Variants in SYTL5 observed in about 807,000 individuals in gnomAD.
The protein encoded by SYTL5 is synaptotagmin like 5.
Under a neutral mutation model 55.9 loss-of-function variants are expected in SYTL5, and 34 were observed. The observed-to-expected ratio is 0.61, with a 90% confidence interval of 0.46 to 0.81. SYTL5 has a LOEUF of 0.81. SYTL5 is among the 30% of genes least tolerant of loss of function. SYTL5 has a pLI of 0.00. For missense variants in SYTL5, 637 were observed against 546.7 expected, an observed-to-expected ratio of 1.17 and a Z score of -1.65; for synonymous variants, 221 against 188.7, an observed-to-expected ratio of 1.17 and a Z score of -1.40.
chrX:38,092,508 A>G (rs1425930694), intron 7 of SYTL5, among the ~76,000 whole-genome samples: 1 of 111,527 alleles, frequency 9.0e-6, no homozygotes, highest in East Asian at 2.8e-4. Flanking sequence ...AGGCAGGAGG[A>G]GGGGAAGCCA....
chrX:37,985,682 C>T, the SYTL5 span, among the ~76,000 whole-genome samples: 4 of 109,663 alleles, frequency 3.6e-5, no homozygotes, highest in Admixed American at 9.8e-5. Flanking sequence ...ACAAGTGGAA[C>T]GTAAAATTCA....
chrX:38,021,713 T>C (rs931659003), intron 1 of SYTL5, among the ~76,000 whole-genome samples: 1 of 112,289 alleles, frequency 8.9e-6, no homozygotes, highest in African/African-American at 3.2e-5. Context: ...GTAGAAATAA[T>C]GTTTTTCACT....
At chrX:37,941,796 A>T in the SYTL5 span, among the ~76,000 whole-genome samples, 1 of 112,455 alleles carries the variant, frequency 8.9e-6, no homozygotes, top group Non-Finnish European at 1.9e-5. Flanking sequence ...CAAGGACTGA[A>T]GCATTTTAGG....
At chrX:38,027,824 C>CTTT (rs111523397) in intron 1 of SYTL5, among the ~76,000 whole-genome samples, 3 of 90,802 alleles carry the variant, frequency 3.3e-5, no homozygotes, top group Non-Finnish European at 4.3e-5. Context: ...AATTCTTCTT[C>CTTT]TTTTTTTTTT....
chrX:37,946,317 A>G, the SYTL5 span: 2 of 133,085 alleles, frequency 1.5e-5, no homozygotes, highest in Non-Finnish European at 3.0e-5. Context: ...CTTTGGCTAT[A>G]CTACAGTCTT....
chrX:38,001,239 A>G, the SYTL5 span, among the ~76,000 whole-genome samples: 1 of 111,475 alleles, frequency 9.0e-6, no homozygotes, highest in Admixed American at 9.5e-5. Context: ...TAAATGGGGT[A>G]TCCATGACCT....
At position 38,043,690 on chromosome X, in the gene SYTL5, T is replaced by C. The variant is rs7886426; in HGVS notation, c.119+9682T>C. On this transcript the variant is annotated intron_variant, in intron 2 of 16. Transcript: ENST00000297875. ...ATATATATATATATATATATATATA[T>C]ACATATATATATACATATTTTCATA... 2.3e-3 allele frequency among the ~76,000 whole-genome samples: 162 copies of C among 69,525 alleles called. 5 individuals carry two copies. Among genetic ancestry groups the C allele is most frequent in the African/African-American group, 8.8e-3 (106 of 12,055 alleles). 60.4% of individuals were successfully genotyped at this position (69,525 alleles called of 115,157 possible).
chrX:37,926,958 G>C, the SYTL5 span, among the ~76,000 whole-genome samples: 1,522 of 111,885 alleles, frequency 0.014, 16 homozygotes, highest in Non-Finnish European at 0.023. Flanking sequence ...GCCTTTCCAG[G>C]AAATGTTCTC....
the SYTL5 span, among the ~76,000 whole-genome samples, chrX:37,983,919 T>C: frequency 9.0e-6 from 1 of 110,775 alleles, no homozygotes; most frequent in Non-Finnish European, 1.9e-5. Flanking sequence ...AAAATGAAAA[T>C]TAGAAAATAA....
chrX:38,054,026 A>G (rs1045114928), intron 2 of SYTL5, among the ~76,000 whole-genome samples, 187 bp from the exon 3 acceptor site: 1 of 112,204 alleles, frequency 8.9e-6, no homozygotes, highest in African/African-American at 3.2e-5. Flanking sequence ...AGAGATGGGA[A>G]TTGAAACTAG....
intron 3 of SYTL5, among the ~76,000 whole-genome samples, chrX:38,069,576 T>C (rs1036605069): frequency 8.9e-6 from 1 of 112,226 alleles, no homozygotes; most frequent in Non-Finnish European, 1.9e-5. Context: ...GCACATAAAA[T>C]CTTTCTCATA....
the SYTL5 span, among the ~76,000 whole-genome samples, chrX:37,910,756 C>T: frequency 9.0e-6 from 1 of 111,677 alleles, no homozygotes; most frequent in African/African-American, 3.3e-5. Context: ...GATCCAGCCC[C>T]AGAATTTCTG....
the SYTL5 span, among the ~76,000 whole-genome samples, chrX:37,913,719 C>G: frequency 8.9e-6 from 1 of 112,339 alleles, no homozygotes; most frequent in Non-Finnish European, 1.9e-5. Flanking sequence ...CCTGATAATT[C>G]TCAATTGCCT....
intron 3 of SYTL5, among the ~76,000 whole-genome samples, chrX:38,061,378 G>A (rs183880164): frequency 1.4e-4 from 16 of 111,606 alleles, no homozygotes; most frequent in East Asian, 1.4e-3. Flanking sequence ...TTTTCAAAAC[G>A]GAAGCATAAA....
At chrX:37,986,692 C>G in the SYTL5 span, among the ~76,000 whole-genome samples, 1 of 111,546 alleles carries the variant, frequency 9.0e-6, no homozygotes, top group Non-Finnish European at 1.9e-5. Context: ...TTTATTCTCA[C>G]TACCCATGTC....
At chrX:37,932,620 T>G in the SYTL5 span, among the ~76,000 whole-genome samples, 1 of 112,008 alleles carries the variant, frequency 8.9e-6, no homozygotes, top group African/African-American at 3.2e-5. Flanking sequence ...AATCTCCTGT[T>G]TCTGGCTTTA....
intron 2 of SYTL5, among the ~76,000 whole-genome samples, chrX:38,039,043 C>T (rs931400146): frequency 8.9e-6 from 1 of 111,859 alleles, no homozygotes; most frequent in African/African-American, 3.3e-5. Context: ...CGTAAAGGTG[C>T]TCCATACCCA....
intron 1 of SYTL5, among the ~76,000 whole-genome samples, chrX:38,012,784 C>T (rs1004490111): frequency 8.0e-5 from 9 of 111,808 alleles, no homozygotes; most frequent in African/African-American, 2.6e-4. Context: ...AATCAAGTGA[C>T]ATTATATCAA....
chrX:37,918,496 G>A, the SYTL5 span, among the ~76,000 whole-genome samples: 1 of 112,103 alleles, frequency 8.9e-6, no homozygotes, highest in African/African-American at 3.2e-5. Flanking sequence ...AATCAGCCAA[G>A]GCCAGGCCAT....
Sources: gnomAD v4.1 joint callset for allele counts (sites outside exome capture counted in the v4.1 genomes callset) on GRCh38, gnomAD v4.1.1 for gene constraint, MANE v1.5 for transcripts, NCBI Gene and HGNC (gene_info 2026-07-23, HGNC 2026-07-21) for gene names.